The following GID4 variants were observed in gnomAD, a reference collection of about 807,000 sequenced individuals.
GID4 encodes the protein GID complex subunit 4 homolog.
GID4 carries 7 observed loss-of-function variants against 32.4 expected under a neutral mutation model. That is an observed-to-expected ratio of 0.22 (90% CI 0.12 to 0.41). GID4 has a LOEUF of 0.41. Ranked by LOEUF, GID4 falls within the 10% of genes least tolerant of loss-of-function variation. The probability of loss-of-function intolerance (pLI) is 1.00; values close to 1 mark genes in which losing one functional copy is unlikely to be tolerated. For missense variants in GID4, 309 were observed against 400.0 expected (o/e 0.77, Z 1.94); for synonymous variants, 166 against 170.0 (o/e 0.98, Z 0.18).
At chr17:18,063,123 A>G (rs2045030849) in intron 5 of GID4, among the ~76,000 whole-genome samples, 1 of 142,260 alleles carries the variant, frequency 7.0e-6, no homozygotes, top group African/African-American at 2.6e-5. Flanking sequence ...AATAAATAAC[A>G]GCTTTGGTCC....
chr17:18,060,436 A>G (rs1237702306), intron 4 of GID4, among the ~76,000 whole-genome samples: 1 of 150,696 alleles, frequency 6.6e-6, no homozygotes, highest in East Asian at 1.9e-4. Flanking sequence ...AGTGGGGATC[A>G]CCACTCTTCC....
At position 18,039,908 on chromosome 17, in the gene GID4, C is replaced by CGCCGG. The variant is rs750720978; in HGVS notation, c.438+18_438+22dup. 27 of 1,387,224 alleles carry CGCCGG rather than the reference C, an allele frequency of 1.9e-5. 1 individual carries two copies. Among genetic ancestry groups the CGCCGG allele is most frequent in the Middle Eastern group, 2.4e-4 (1 of 4,244 alleles). The allele number at this position is 1,387,224 out of a possible 1,614,324, so 85.9% of individuals were successfully genotyped here. A position where few individuals can be genotyped will look rare whatever the true frequency, so the allele number is the denominator to read the frequency against. ...ACGTAGAGGTGGTGCTGCAGGTGAGCGCCGGGCCGGGCCGGGGCCCGAGGG... is the reference window on the plus strand; with the variant it reads ...ACGTAGAGGTGGTGCTGCAGGTGAGCGCCGGGCCGGGCCGGGCCGGGGCCCGAGGG... On this transcript the variant is annotated splice_region_variant and intron_variant, in intron 1 of 5. Transcript: ENST00000268719. The surrounding 1 kb of genome is among the most constrained non-coding windows in gnomAD (Gnocchi z 5.3).
At chr17:18,042,027 G>A (rs545790947) in intron 1 of GID4, among the ~76,000 whole-genome samples, 33 of 152,368 alleles carry the variant, frequency 2.2e-4, no homozygotes, top group African/African-American at 7.5e-4. Flanking sequence ...CGACTAGTCA[G>A]TGGCATGTGA....
At chr17:18,060,415 A>G (rs909438629) in intron 4 of GID4, among the ~76,000 whole-genome samples, 3 of 151,602 alleles carry the variant, frequency 2.0e-5, no homozygotes, top group Admixed American at 6.6e-5. Context: ...AAAAAAAAAA[A>G]AAAAAAAAGA....
intron 3 of GID4, among the ~76,000 whole-genome samples, chr17:18,055,815 G>A (rs1245797366): frequency 1.3e-5 from 2 of 150,252 alleles, no homozygotes; most frequent in African/African-American, 2.4e-5. Flanking sequence ...CTTTTATGGG[G>A]GTTTTTGTTT....
At chr17:18,053,504 T>G (rs535121784) in intron 2 of GID4, among the ~76,000 whole-genome samples, 1 of 152,082 alleles carries the variant, frequency 6.6e-6, no homozygotes, top group Non-Finnish European at 1.5e-5. Flanking sequence ...TCCCAACTAC[T>G]CGGGAGGCTG....
chr17:18,056,280 A>C (rs1349229861), intron 3 of GID4, among the ~76,000 whole-genome samples: 1 of 152,262 alleles, frequency 6.6e-6, no homozygotes, highest in Non-Finnish European at 1.5e-5. Flanking sequence ...TTGTTGTAGC[A>C]AATGGACACT....
rs1049627773 is a variant in GID4 at position 18,059,057 on chromosome 17, A to G, written c.708+88A>G. On this transcript the variant is annotated intron_variant, in intron 4 of 5. Transcript: ENST00000268719. ...TATTCACTCTAACCAAGGGCTCCCCATGTCCAGTGCTCGTCACAGCTGGTT... is the reference window on the plus strand; with the variant it reads ...TATTCACTCTAACCAAGGGCTCCCCGTGTCCAGTGCTCGTCACAGCTGGTT... The G allele has an allele frequency of 1.2e-5, 9 of 740,928 alleles. No homozygotes were observed. The African/African-American group carries it at 1.4e-4, about 12-fold the overall frequency. 45.9% of individuals were successfully genotyped at this position (740,928 alleles called of 1,614,324 possible). A position where few individuals can be genotyped will look rare whatever the true frequency, so the allele number is the denominator to read the frequency against.
At chr17:18,052,053 GA>G (rs1171008538) in intron 2 of GID4, among the ~76,000 whole-genome samples, 1 of 147,502 alleles carries the variant, frequency 6.8e-6, no homozygotes, top group Non-Finnish European at 1.5e-5. Context: ...CGGTCTGGGC[GA>G]CAGAGCAAGA....
intron 5 of GID4, 24 bp from the exon 6 acceptor site, chr17:18,065,156 G>GT (rs778953910): frequency 6.2e-7 from 1 of 1,600,390 alleles, no homozygotes. Flanking sequence ...ACTACCTCCC[G>GT]TTTCTGTCTC....
At chr17:18,055,851 G>A (rs1018886441) in intron 3 of GID4, among the ~76,000 whole-genome samples, 2 of 150,280 alleles carry the variant, frequency 1.3e-5, no homozygotes, top group Non-Finnish European at 3.0e-5. Flanking sequence ...TGTTTGGTTT[G>A]GTTTTGAGAC....
At chr17:18,051,794 G>T (rs774392953) in intron 2 of GID4, among the ~76,000 whole-genome samples, 2 of 148,358 alleles carry the variant, frequency 1.3e-5, no homozygotes, top group Non-Finnish European at 3.0e-5. Context: ...GTTTATACCG[G>T]CTGGGTGCGG....
chr17:18,039,981 C>G lies in GID4; in HGVS notation c.438+79C>G. 1.6e-6 allele frequency: 2 copies of G among 1,269,314 alleles called. No individual in the cohort carries two copies. The highest frequency in any genetic ancestry group is 1.6e-5 in the African/African-American group (1 of 64,334). The allele number at this position is 1,269,314 out of a possible 1,614,324, so 78.6% of individuals were successfully genotyped here. A position where few individuals can be genotyped will look rare whatever the true frequency, so the allele number is the denominator to read the frequency against. ...CGTGCCCGCTTCGGCTCCTCGACCCCGCAGCCGCGGAACAGGCCCTCGCCG... is the reference window on the plus strand; with the variant it reads ...CGTGCCCGCTTCGGCTCCTCGACCCGGCAGCCGCGGAACAGGCCCTCGCCG... On this transcript the variant is annotated intron_variant, in intron 1 of 5. Transcript: ENST00000268719. This position sits in a 1 kb window ranked among gnomAD's most constrained non-coding sequence, Gnocchi z 5.3.
At position 18,042,690 on chromosome 17, in the gene GID4, TG is replaced by T. The variant is rs532989297; in HGVS notation, c.439-2454del. ...GATAACTACCTGGGAGTGCAATTGC[TG>T]GGTCACATGGTAACTGGGTTTTAAC... On this transcript the variant is annotated intron_variant, in intron 1 of 5. Transcript: ENST00000268719. Among the ~76,000 whole-genome samples the T allele has an allele frequency of 8.3e-4, 126 of 152,242 alleles. 1 individual carries two copies. Among genetic ancestry groups the T allele is most frequent in the Non-Finnish European group, 1.6e-3 (111 of 68,042 alleles).
chr17:18,045,787 G>T (rs1282830764), intron 2 of GID4, among the ~76,000 whole-genome samples: 1 of 151,566 alleles, frequency 6.6e-6, no homozygotes, highest in Non-Finnish European at 1.5e-5. Flanking sequence ...CCAGGTACTT[G>T]GGAGTCTGAG....
At chr17:18,054,885 G>T (rs928064770) in intron 3 of GID4, among the ~76,000 whole-genome samples, 2 of 152,066 alleles carry the variant, frequency 1.3e-5, no homozygotes, top group African/African-American at 4.8e-5. Flanking sequence ...AAAAATCAGT[G>T]TCTCGGCTGG....
chr17:18,065,352 C>T lies in GID4; in HGVS notation c.*109C>T, dbSNP rs891636903. Reference sequence around the variant, plus strand: ...GGAGAAGTGTGTTCCTGTTTCTTCACGAGCAGACTCGCATCACAAAGCATG... The same window carrying T: ...GGAGAAGTGTGTTCCTGTTTCTTCATGAGCAGACTCGCATCACAAAGCATG... On this transcript the variant is annotated 3_prime_UTR_variant, in exon 6 of 6. Transcript: ENST00000268719. 5 of 795,232 alleles carry T rather than the reference C, an allele frequency of 6.3e-6. No homozygotes were observed. The highest frequency in any genetic ancestry group is 1.7e-5 in the African/African-American group (1 of 58,962). The allele number at this position is 795,232 out of a possible 1,614,324, so 49.3% of individuals were successfully genotyped here. A position where few individuals can be genotyped will look rare whatever the true frequency, so the allele number is the denominator to read the frequency against.
At chr17:18,060,883 G>A (rs1019867327) in intron 4 of GID4, among the ~76,000 whole-genome samples, 3 of 151,986 alleles carry the variant, frequency 2.0e-5, no homozygotes, top group Non-Finnish European at 2.9e-5. Flanking sequence ...ACAGGTGCCC[G>A]CCAACATGCC....
At chr17:18,057,302 C>G (rs1174703146) in intron 3 of GID4, 1 of 348,686 alleles carries the variant, frequency 2.9e-6, no homozygotes, top group East Asian at 6.7e-5. Flanking sequence ...CATGGTGGCA[C>G]ACACCTGTAA....
Sources: gnomAD v4.1 joint callset for allele counts (sites outside exome capture counted in the v4.1 genomes callset) on GRCh38, gnomAD v4.1.1 for gene constraint, Gnocchi (gnomAD v3.1) non-coding constraint, MANE v1.5 for transcripts, NCBI Gene and HGNC (gene_info 2026-07-23, HGNC 2026-07-21) for gene names.